The following RET variants were observed in gnomAD, a reference collection of about 807,000 sequenced individuals.
The protein encoded by RET is ret proto-oncogene.
A neutral mutation model predicts 118.3 loss-of-function variants in RET; 19 were observed. That is an observed-to-expected ratio of 0.16 (90% CI 0.11 to 0.24). RET has a LOEUF of 0.24. RET is among the 10% of genes least tolerant of loss of function. RET has a pLI of 1.00. For missense variants in RET, 1,219 were observed against 1,502.1 expected, an observed-to-expected ratio of 0.81 and a Z score of 3.12; for synonymous variants, 597 against 644.1, an observed-to-expected ratio of 0.93 and a Z score of 1.11.
Position 43,114,078 on chromosome 10 carries a change from T to C in RET, c.1880-402T>C, listed in dbSNP as rs1425290092. Among the ~76,000 whole-genome samples the C allele has an allele frequency of 6.6e-6, 1 of 152,220 alleles. No homozygotes were observed. Among genetic ancestry groups the C allele is most frequent in the African/African-American group, 2.4e-5 (1 of 41,456 alleles). ...AGGGACACGTTTCTGTCATTGAGTT[T>C]TCTGGTATTATATAGCCCTACGTCC... On this transcript the variant is annotated intron_variant, in intron 10 of 19. Transcript: ENST00000355710. The surrounding 1 kb of genome is among the most constrained non-coding windows in gnomAD (Gnocchi z 4.6).
intron 6 of RET, among the ~76,000 whole-genome samples, chr10:43,109,924 C>T (rs1837876754): frequency 6.6e-6 from 1 of 152,218 alleles, no homozygotes; most frequent in East Asian, 1.9e-4. Context: ...GAAACTGCAG[C>T]ACGCATGTTC....
chr10:43,105,855 A>G (rs1343561525), intron 4 of RET, among the ~76,000 whole-genome samples: 2 of 135,682 alleles, frequency 1.5e-5, no homozygotes, highest in Non-Finnish European at 3.1e-5. Flanking sequence ...GGGTGACAGC[A>G]GAGGCCTGGT....
chr10:43,081,412 A>G (rs1468328086), intron 1 of RET, among the ~76,000 whole-genome samples: 2 of 152,174 alleles, frequency 1.3e-5, no homozygotes, highest in Non-Finnish European at 2.9e-5. Flanking sequence ...GGGACTCTCC[A>G]GAGCTGTCTC....
At chr10:43,087,013 G>C (rs1265816889) in intron 1 of RET, among the ~76,000 whole-genome samples, 1 of 152,256 alleles carries the variant, frequency 6.6e-6, no homozygotes, top group Non-Finnish European at 1.5e-5. Flanking sequence ...GGCTTTTAGG[G>C]GTGTCAGGAG....
At chr10:43,127,117 A>G in intron 19 of RET, 1 of 1,158,954 alleles carries the variant, frequency 8.6e-7, no homozygotes, top group Non-Finnish European at 1.1e-6. Context: ...TTGAGAAAGG[A>G]GCCACCAGCA....
At chr10:43,109,361 G>C (rs1837864255) in intron 6 of RET, 131 bp downstream of exon 6, 2 of 929,742 alleles carry the variant, frequency 2.2e-6, no homozygotes, top group Non-Finnish European at 3.4e-6. Flanking sequence ...TGAGCCCAGG[G>C]CCAGGAGGTA....
In RET at chr10:43,111,360, C is replaced by T. The variant is rs1419101284; in HGVS notation, c.1417C>T (p.Leu473=). 2 of 1,614,108 alleles carry T rather than the reference C, an allele frequency of 1.2e-6. No individual in the cohort carries two copies. Among genetic ancestry groups the T allele is most frequent in the South Asian group, 1.1e-5 (1 of 91,086 alleles). Reference sequence around the variant, plus strand: ...CCTGTTTGTGAATGACACCAAGGCCCTGCGGCGGCCCAAGTGTGCCGAACT... The same window carrying T: ...CCTGTTTGTGAATGACACCAAGGCCTTGCGGCGGCCCAAGTGTGCCGAACT... ...GILFVNDTKA[L]RRPKCAELHY... is the part of the protein sequence containing the mutation. Residue 473 remains leucine (L), a synonymous_variant, in exon 7 of 20, where the codon CTG becomes TTG. Transcript: ENST00000355710.
rs1282018603 is a variant in RET at position 43,118,497 on chromosome 10, G to A, written c.2392+17G>A. ...GCCAGGATGGTAAGGCCAGCTGCAG[G>A]GTGAGGTGGGCAGCCACTGCACCCA... On this transcript the variant is annotated intron_variant, in intron 13 of 19. Transcript: ENST00000355710. 1 of 1,594,296 alleles carries A rather than the reference G, an allele frequency of 6.3e-7. No individual in the cohort carries two copies. The highest frequency in any genetic ancestry group is 1.7e-5 in the Admixed American group (1 of 59,958).
At chr10:43,100,388 A>G (rs1588862252) in intron 1 of RET, 71 bp from the exon 2 acceptor site, 1 of 1,309,580 alleles carries the variant, frequency 7.6e-7, no homozygotes, top group African/African-American at 1.5e-5. Context: ...TAAATTAATG[A>G]TTTTTTTTTT....
At chr10:43,109,366 G>T in intron 6 of RET, 136 bp downstream of exon 6, 2 of 903,378 alleles carry the variant, frequency 2.2e-6, no homozygotes, top group Non-Finnish European at 3.5e-6. Flanking sequence ...CCAGGGCCAG[G>T]AGGTACAGCT....
intron 1 of RET, among the ~76,000 whole-genome samples, chr10:43,082,705 C>T (rs891608755): frequency 1.3e-5 from 2 of 152,244 alleles, no homozygotes; most frequent in South Asian, 2.1e-4. Flanking sequence ...ACAGTGGCCA[C>T]CAAGCTGTTT....
chr10:43,105,142 C>T lies in RET; in HGVS notation c.816C>T (p.Phe272=), dbSNP rs754428451. 16 of 1,612,594 alleles carry T rather than the reference C, an allele frequency of 9.9e-6. No individual in the cohort carries two copies. The African/African-American group carries it at 1.5e-4, about 15-fold the overall frequency. The change falls in exon 4 of 20, where the codon TTC becomes TTT. Residue 272 remains phenylalanine (F), a synonymous_variant. Transcript: ENST00000355710. The part of the protein sequence containing the change: ...VYDEDDSAPT[F]PAGVDTASAV... ...ACGAGGACGACTCGGCGCCCACCTT[C>T]CCCGCGGGCGTCGACACCGCCAGCG...
chr10:43,127,990 T>C (rs1433085226), intron 19 of RET, 122 bp from the exon 20 acceptor site: 2 of 972,696 alleles, frequency 2.1e-6, no homozygotes, highest in Non-Finnish European at 3.3e-6. Flanking sequence ...ACCATTAATA[T>C]AATTGGCACA....
rs150378757 is a variant in RET, at chr10:43,117,992, G to A, written c.2285-381G>A. Reference sequence around the variant, plus strand: ...TTTATGGCTCTCCACCTTCTCCAGGGCCTCTCCCGACAAGTGGGTGTGTGG... The same window carrying A: ...TTTATGGCTCTCCACCTTCTCCAGGACCTCTCCCGACAAGTGGGTGTGTGG... On this transcript the variant is annotated intron_variant, in intron 12 of 19. Transcript: ENST00000355710. 5.3e-3 allele frequency among the ~76,000 whole-genome samples: 801 copies of A among 152,286 alleles called. 9 individuals carry two copies. Among genetic ancestry groups the A allele is most frequent in the African/African-American group, 0.019 (777 of 41,558 alleles).
chr10:43,118,458 G>C lies in RET; in HGVS notation c.2370G>C (p.Leu790Phe), dbSNP rs75030001. Residue 790 changes from leucine to phenylalanine, a missense_variant, in exon 13 of 20, where the codon TTG becomes TTC. Leu to Phe is a conservative substitution (Grantham distance 22). Around this residue, in one of 5 missense-constraint regions of RET, gnomAD observed 850 missense variants for 969.6 expected, o/e 0.88. Transcript: ENST00000355710. ...KQVNHPHVIK[L>F]YGACSQDGPL... ...TCAACCACCCACATGTCATCAAATT[G>C]TATGGGGCCTGCAGCCAGGATGGTA... 8 of 1,613,962 alleles carry C rather than the reference G, an allele frequency of 5.0e-6. No homozygotes were observed. The highest frequency in any genetic ancestry group is 1.3e-5 in the African/African-American group (1 of 75,070).
chr10:43,125,021 C>G (rs751406735), intron 18 of RET, 39 bp downstream of exon 18: 1 of 1,585,852 alleles, frequency 6.3e-7, no homozygotes, highest in Non-Finnish European at 8.7e-7. Flanking sequence ...CTGAAAGTGG[C>G]TTGGGGAGAC....
At chr10:43,123,124 C>T (rs77761104) in intron 16 of RET, among the ~76,000 whole-genome samples, 5,921 of 152,250 alleles carry the variant, frequency 0.039, 144 homozygotes, top group South Asian at 0.086. Flanking sequence ...TAAATGGGCT[C>T]ATGCGATGCT....
At chr10:43,107,295 A>G (rs1183449899) in intron 5 of RET, among the ~76,000 whole-genome samples, 1 of 152,012 alleles carries the variant, frequency 6.6e-6, no homozygotes, top group East Asian at 1.9e-4. Context: ...CAGAGGGGAG[A>G]CAGCCTCCTT....
At chr10:43,104,915 G>C (rs1038016998) in intron 3 of RET, 37 bp from the exon 4 acceptor site, 1 of 1,544,542 alleles carries the variant, frequency 6.5e-7, no homozygotes, top group African/African-American at 1.4e-5. Context: ...GGTCCCGGCT[G>C]GTGATCACGC....
Sources: allele counts gnomAD v4.1 joint callset (sites outside exome capture counted in the v4.1 genomes callset), GRCh38; gene constraint gnomAD v4.1.1; regional missense constraint gnomAD v4.1.1; non-coding constraint Gnocchi (gnomAD v3.1); transcripts MANE v1.5; gene names NCBI Gene and HGNC (gene_info 2026-07-23, HGNC 2026-07-21).